The following UBE2M variants were observed in gnomAD, a reference collection of about 807,000 sequenced individuals.
The protein encoded by UBE2M is ubiquitin conjugating enzyme E2 M, also known as NEDD8-conjugating enzyme Ubc12.
In UBE2M, 2 loss-of-function variants were observed where a neutral mutation model predicts 23.5. The ratio of observed to expected loss-of-function variants is 0.09; its 90% CI spans 0.03 to 0.27. UBE2M has a LOEUF of 0.27. Among genes scored for constraint, UBE2M ranks in the 10% least tolerant of loss-of-function variants. The pLI is 1.00. For missense variants in UBE2M, 103 were observed against 232.9 expected (o/e 0.44, Z 3.63); for synonymous variants, 97 against 95.2 (o/e 1.02, Z -0.11).
rs756543563 is a variant in UBE2M, at chr19:58,557,049, A to G, written c.204+14T>C. ...TTGGTTTGCTCCTGGGAATTCAGCCATATGCACCCTCACCTCATCAGGACA... is the reference window on the plus strand; with the variant it reads ...TTGGTTTGCTCCTGGGAATTCAGCCGTATGCACCCTCACCTCATCAGGACA... On this transcript the variant is annotated intron_variant, in intron 2 of 5. Coordinates refer to ENST00000253023, the MANE Select transcript of UBE2M (RefSeq NM_003969.4). 18 of 1,613,916 alleles carry G rather than the reference A, an allele frequency of 1.1e-5. No homozygotes were observed. Among genetic ancestry groups the G allele is most frequent in the Admixed American group, 1.7e-5 (1 of 59,986 alleles).
Position 58,556,149 on chromosome 19 carries a change from C to T in UBE2M, c.492G>A (p.Val164=). 6.2e-7 allele frequency: 1 copy of T among 1,613,942 alleles called. No homozygotes were observed. Among genetic ancestry groups the T allele is most frequent in the Non-Finnish European group, 8.5e-7 (1 of 1,179,988 alleles). ...QNNRRLFEQN[V]QRSMRGGYIG... ...TGTAGCCACCCCGCATGGAGCGCTG[C>T]ACGTTCTGCTCAAACAGCCGCCGGT... The change falls in exon 6 of 6, where the codon GTG becomes GTA. Residue 164 remains valine, a synonymous_variant. Transcript: ENST00000253023. This position sits in a 1 kb window ranked among gnomAD's most constrained non-coding sequence, Gnocchi z 4.9.
At position 58,556,715 on chromosome 19, in the gene UBE2M, C is replaced by G; in HGVS notation, c.319G>C (p.Glu107Gln). 1 of 1,532,804 alleles carries G rather than the reference C, an allele frequency of 6.5e-7. No individual in the cohort carries two copies. The highest frequency in any genetic ancestry group is 8.8e-7 in the Non-Finnish European group (1 of 1,141,656). 95.0% of individuals were successfully genotyped at this position (1,532,804 alleles called of 1,614,324 possible). A position where few individuals can be genotyped will look rare whatever the true frequency, so the allele number is the denominator to read the frequency against. ...TMVYHPNIDL[E>Q]GNVCLNILRE... ...AGGATGTTGAGGCAGACGTTGCCCTCGAGGTCAATGTTGGGGTGATAGACC... is the reference window on the plus strand; with the variant it reads ...AGGATGTTGAGGCAGACGTTGCCCTGGAGGTCAATGTTGGGGTGATAGACC... Residue 107 changes from glutamate (E) to glutamine (Q), a missense_variant, in exon 4 of 6, where the codon GAG becomes CAG. This residue lies in a region of UBE2M where 12 missense variants were observed against 84.0 expected (regional missense o/e 0.14). Coordinates refer to ENST00000253023, the MANE Select transcript of UBE2M (RefSeq NM_003969.4). The surrounding 1 kb of genome is among the most constrained non-coding windows in gnomAD (Gnocchi z 4.9).
chr19:58,557,214 GA>G, intron 1 of UBE2M, 57 bp from the exon 2 acceptor site: 1 of 1,491,478 alleles, frequency 6.7e-7, no homozygotes, highest in Non-Finnish European at 9.3e-7. Context: ...GAGAGAGAGA[GA>G]GGGAGCCAGC....
At chr19:58,557,202 AAG>A (rs145976499) in intron 1 of UBE2M, 45 bp from the exon 2 acceptor site, 20,998 of 1,347,838 alleles carry the variant, frequency 0.016, no homozygotes, top group Non-Finnish European at 0.017. Flanking sequence ...GAGGGAGGGG[AAG>A]AGAGAGAGAG....
intron 1 of UBE2M, 127 bp from the exon 2 acceptor site, chr19:58,557,284 A>C: frequency 1.1e-6 from 1 of 931,622 alleles, no homozygotes; most frequent in Non-Finnish European, 1.7e-6. Flanking sequence ...CTGGACCCCC[A>C]GGCGCCTCTC....
chr19:58,557,201 G>A (rs971105289), intron 1 of UBE2M, 44 bp from the exon 2 acceptor site: 15 of 1,580,354 alleles, frequency 9.5e-6, no homozygotes, highest in South Asian at 8.8e-5. Context: ...AGAGGGAGGG[G>A]AAGAGAGAGA....
Position 58,556,841 on chromosome 19 carries a change from A to C in UBE2M, c.243+51T>G, listed in dbSNP as rs1568670332. ...ATGGGTAGGTGCCTGGAAGGGCCTC[A>C]GCTGCTGCCTCCTCTGTCCAGGGAG... On this transcript the variant is annotated intron_variant, in intron 3 of 5. Coordinates refer to ENST00000253023, the MANE Select transcript of UBE2M (RefSeq NM_003969.4). This position sits in a 1 kb window ranked among gnomAD's most constrained non-coding sequence, Gnocchi z 4.9. 6.2e-7 allele frequency: 1 copy of C among 1,613,624 alleles called. No individual in the cohort carries two copies. Among genetic ancestry groups the C allele is most frequent in the African/African-American group, 1.3e-5 (1 of 75,036 alleles).
At chr19:58,557,201 GAA>G (rs1491503751) in intron 1 of UBE2M, 44 bp from the exon 2 acceptor site, 3 of 1,580,472 alleles carry the variant, frequency 1.9e-6, no homozygotes, top group South Asian at 1.1e-5. Flanking sequence ...AGAGGGAGGG[GAA>G]GAGAGAGAGA....
rs367600197 is a variant in UBE2M at position 58,556,248 on chromosome 19, G to A, written c.412-19C>T. On this transcript the variant is annotated intron_variant, in intron 5 of 5. Coordinates refer to ENST00000253023, the MANE Select transcript of UBE2M (RefSeq NM_003969.4). This position sits in a 1 kb window ranked among gnomAD's most constrained non-coding sequence, Gnocchi z 4.9. ...TGGGCTCCTGTGGCCAGTACAGGTA[G>A]GGGGGGTCAACAGGCCAGAGGGACA... The A allele has an allele frequency of 6.2e-7, 1 of 1,613,182 alleles. No individual in the cohort carries two copies. The highest frequency in any genetic ancestry group is 8.5e-7 in the Non-Finnish European group (1 of 1,179,642).
chr19:58,555,990 C>A lies in UBE2M; in HGVS notation c.*99G>T, dbSNP rs954516774. 6.1e-6 allele frequency: 9 copies of A among 1,482,122 alleles called. No individual in the cohort carries two copies. The highest frequency in any genetic ancestry group is 2.1e-5 in the Admixed American group (1 of 47,938). 91.8% of individuals were successfully genotyped at this position (1,482,122 alleles called of 1,614,324 possible). ...GGCAAGGCCAAGGCAGGGGATTCCCCCACCGGCCGCCCCCCAAACCCCTAC... is the reference window on the plus strand; with the variant it reads ...GGCAAGGCCAAGGCAGGGGATTCCCACACCGGCCGCCCCCCAAACCCCTAC... On this transcript the variant is annotated 3_prime_UTR_variant, in exon 6 of 6. Coordinates refer to ENST00000253023, the MANE Select transcript of UBE2M (RefSeq NM_003969.4).
chr19:58,555,849 G>C lies in UBE2M; in HGVS notation c.*240C>G, dbSNP rs1177295191. The C allele has an allele frequency of 2.8e-5, 16 of 572,644 alleles. No homozygotes were observed. In the East Asian group the frequency reaches 3.9e-4, roughly 14 times the overall value. 35.5% of individuals were successfully genotyped at this position (572,644 alleles called of 1,614,324 possible). ...GGGCTGAACAAGCACCCAGCAGGGG[G>C]GCTAGACAAGCCAATTCATTTCCCA... On this transcript the variant is annotated 3_prime_UTR_variant, in exon 6 of 6. Transcript: ENST00000253023.
rs1359879853 is a variant in UBE2M at position 58,555,786 on chromosome 19, C to G, written c.*303G>C. On this transcript the variant is annotated 3_prime_UTR_variant, in exon 6 of 6. Transcript: ENST00000253023. ...GGGTGGGTTGCCTGGGCCCAGCTAC[C>G]CAGGCCCGTTGCCCACCCACTCCAC... The G allele has an allele frequency of 2.4e-6, 1 of 420,276 alleles. No individual in the cohort carries two copies. Among genetic ancestry groups the G allele is most frequent in the East Asian group, 4.2e-5 (1 of 23,986 alleles). The allele number at this position is 420,276 out of a possible 1,614,324, so 26.0% of individuals were successfully genotyped here. A position where few individuals can be genotyped will look rare whatever the true frequency, so the allele number is the denominator to read the frequency against.
rs749193317 is a variant in UBE2M, at chr19:58,556,973, TGTGGG to T, written c.205-48_205-44del. 6.2e-7 allele frequency: 1 copy of T among 1,613,936 alleles called. No homozygotes were observed. Among genetic ancestry groups the T allele is most frequent in the South Asian group, 1.1e-5 (1 of 91,084 alleles). ...AGAAGAAAATTTTAGGGTTCCATCC[TGTGGG>T]GCCCGATGGGCAGAACATGTCTCCC... On this transcript the variant is annotated intron_variant, in intron 2 of 5. Transcript: ENST00000253023. The surrounding 1 kb of genome is among the most constrained non-coding windows in gnomAD (Gnocchi z 4.9).
intron 1 of UBE2M, among the ~76,000 whole-genome samples, chr19:58,557,723 T>C (rs1310795783): frequency 1.7e-5 from 2 of 116,192 alleles, no homozygotes; most frequent in Non-Finnish European, 3.3e-5. Context: ...CCCTCACCCC[T>C]GTCTCCAATC....
chr19:58,558,457 G>C lies in UBE2M; in HGVS notation c.-76C>G, dbSNP rs1600092389. The C allele has an allele frequency of 1.2e-6, 1 of 807,070 alleles. No homozygotes were observed. The highest frequency in any genetic ancestry group is 5.4e-5 in the South Asian group (1 of 18,632). 50.0% of individuals were successfully genotyped at this position (807,070 alleles called of 1,614,324 possible). A position where few individuals can be genotyped will look rare whatever the true frequency, so the allele number is the denominator to read the frequency against. On this transcript the variant is annotated 5_prime_UTR_variant, in exon 1 of 6. Coordinates refer to ENST00000253023, the MANE Select transcript of UBE2M (RefSeq NM_003969.4). The surrounding 1 kb of genome is among the most constrained non-coding windows in gnomAD (Gnocchi z 4.7). The stretch of plus-strand genomic sequence containing the variant: ...CACCCGGCCCCCCGCCGCCGCCCGC[G>C]TCGCCTCCGCTCCTCGGACCCGCAG...
Position 58,557,262 on chromosome 19 carries a change from C to G in UBE2M, c.110-105G>C, listed in dbSNP as rs940297325. On this transcript the variant is annotated intron_variant, in intron 1 of 5. Coordinates refer to ENST00000253023, the MANE Select transcript of UBE2M (RefSeq NM_003969.4). ...GGCGGGTGTTTGTTAGCAGAGCCCC[C>G]ATCGTCTCCTCCTGGACCCCCAGGC... The G allele has an allele frequency of 1.6e-5, 19 of 1,164,256 alleles. No individual in the cohort carries two copies. The South Asian group carries it at 1.9e-4, about 11-fold the overall frequency. The allele number at this position is 1,164,256 out of a possible 1,614,324, so 72.1% of individuals were successfully genotyped here. A position where few individuals can be genotyped will look rare whatever the true frequency, so the allele number is the denominator to read the frequency against.
intron 1 of UBE2M, among the ~76,000 whole-genome samples, chr19:58,557,952 C>G (rs2053903420): frequency 1.3e-5 from 2 of 152,190 alleles, no homozygotes; most frequent in South Asian, 4.1e-4. Flanking sequence ...ACCCCAAACC[C>G]AAGTTCCCGT....
rs2053905296 is a variant in UBE2M, at chr19:58,558,176, C to G, written c.109+97G>C. 1.8e-6 allele frequency: 2 copies of G among 1,103,288 alleles called. No individual in the cohort carries two copies. The highest frequency in any genetic ancestry group is 2.9e-5 in the South Asian group (2 of 69,266). 68.3% of individuals were successfully genotyped at this position (1,103,288 alleles called of 1,614,324 possible). On this transcript the variant is annotated intron_variant, in intron 1 of 5. Transcript: ENST00000253023. The surrounding 1 kb of genome is among the most constrained non-coding windows in gnomAD (Gnocchi z 4.7). Reference sequence around the variant, plus strand: ...CGCTCGGGGCCCTTCACCTCTGACCCTCAGCAACCGCATTACCCCTTCCTG... The same window carrying G: ...CGCTCGGGGCCCTTCACCTCTGACCGTCAGCAACCGCATTACCCCTTCCTG...
At chr19:58,557,298 G>C in intron 1 of UBE2M, 141 bp from the exon 2 acceptor site, 1 of 808,286 alleles carries the variant, frequency 1.2e-6, no homozygotes, top group Non-Finnish European at 2.1e-6. Context: ...GCCTCTCCTG[G>C]GCTGTGCTCC....
Sources: gnomAD v4.1 joint callset for allele counts (sites outside exome capture counted in the v4.1 genomes callset) on GRCh38, gnomAD v4.1.1 for gene constraint, gnomAD v4.1.1 regional missense constraint, Gnocchi (gnomAD v3.1) non-coding constraint, MANE v1.5 for transcripts, NCBI Gene and HGNC (gene_info 2026-07-23, HGNC 2026-07-21) for gene names.